Variants in CFI observed in about 807,000 individuals in gnomAD.
The protein encoded by CFI is C3B/C4B inactivator.
Under a neutral mutation model 78.8 loss-of-function variants are expected in CFI, and 66 were observed. The ratio of observed to expected loss-of-function variants is 0.84; its 90% CI spans 0.69 to 1.03. CFI has a LOEUF of 1.03. CFI is among the 50% of genes least tolerant of loss of function. CFI has a pLI of 0.00. For synonymous variants in CFI, 250 were observed against 232.6 expected, an observed-to-expected ratio of 1.07 and a Z score of -0.68; for missense variants, 706 against 704.5, an observed-to-expected ratio of 1.00 and a Z score of -0.02.
At chr4:109,756,901 G>GAAAGAAAGAAAGAAAGAAAGAAA (rs1726272856) in intron 7 of CFI, among the ~76,000 whole-genome samples, 1 of 36,456 alleles carries the variant, frequency 2.7e-5, no homozygotes, top group African/African-American at 9.6e-5. Flanking sequence ...AAGAAAGAAA[G>GAAAGAAAGAAAGAAAGAAAGAAA]AAAGAAAGAA....
At chr4:109,756,231 T>A (rs751191278) in intron 7 of CFI, among the ~76,000 whole-genome samples, 3 of 151,712 alleles carry the variant, frequency 2.0e-5, no homozygotes, top group Non-Finnish European at 4.4e-5. Context: ...TGACCCCTGA[T>A]GATCATGTAT....
At position 109,801,977 on chromosome 4, in the gene CFI, A is replaced by T; in HGVS notation, c.-6T>A. On this transcript the variant is annotated 5_prime_UTR_variant, in exon 1 of 13. Transcript: ENST00000394634. ...AAAACATGAAGAAGCTTCATGTTGG[A>T]GGTGTTCGGGGTCTTTGTCTCTGCT... 1 of 1,611,182 alleles carries T rather than the reference A, an allele frequency of 6.2e-7. No homozygotes were observed. Among genetic ancestry groups the T allele is most frequent in the South Asian group, 1.1e-5 (1 of 90,946 alleles).
At chr4:109,757,113 C>T (rs1332487491) in intron 7 of CFI, among the ~76,000 whole-genome samples, 1 of 151,864 alleles carries the variant, frequency 6.6e-6, no homozygotes, top group Non-Finnish European at 1.5e-5. Context: ...ACTGCAAGCT[C>T]CGCCTCCCGG....
At chr4:109,772,722 C>T (rs905430847) in intron 1 of CFI, among the ~76,000 whole-genome samples, 42 of 152,082 alleles carry the variant, frequency 2.8e-4, no homozygotes, top group African/African-American at 9.6e-4. Flanking sequence ...AGGACAGACA[C>T]ATGCTACCAT....
intron 1 of CFI, among the ~76,000 whole-genome samples, chr4:109,785,574 G>A (rs1284890591): frequency 6.6e-6 from 1 of 151,748 alleles, no homozygotes; most frequent in Non-Finnish European, 1.5e-5. Flanking sequence ...TTATTAATCA[G>A]CCTGGTGATC....
intron 6 of CFI, among the ~76,000 whole-genome samples, chr4:109,758,353 C>A (rs751242781): frequency 6.6e-6 from 1 of 151,790 alleles, no homozygotes; most frequent in Admixed American, 6.6e-5. Context: ...AATAAATATT[C>A]ATCAAGTAAA....
intron 1 of CFI, among the ~76,000 whole-genome samples, chr4:109,781,404 C>A (rs1286675331): frequency 6.6e-6 from 1 of 152,034 alleles, no homozygotes; most frequent in Non-Finnish European, 1.5e-5. Context: ...ATAAACTAGA[C>A]TAGAAGAGAT....
At chr4:109,737,713 C>T (rs188222738), downstream of CFI, among the ~76,000 whole-genome samples, 123 of 152,348 alleles carry the variant, frequency 8.1e-4, no homozygotes, top group Admixed American at 2.0e-3. Flanking sequence ...GCAGTGTGGT[C>T]TGTGAGCGTT....
At chr4:109,800,049 T>G (rs1334142633) in intron 1 of CFI, among the ~76,000 whole-genome samples, 1 of 147,300 alleles carries the variant, frequency 6.8e-6, no homozygotes, top group Non-Finnish European at 1.5e-5. Flanking sequence ...TAGAAATGGA[T>G]TTTTGGTTTT....
At chr4:109,731,650 C>T in the CFI span, among the ~76,000 whole-genome samples, 1 of 152,268 alleles carries the variant, frequency 6.6e-6, no homozygotes, top group Non-Finnish European at 1.5e-5. Context: ...CGGTGTAGCT[C>T]CTGGCTGGAG....
intron 1 of CFI, among the ~76,000 whole-genome samples, chr4:109,800,529 TC>T (rs1270893552): frequency 6.6e-6 from 1 of 151,762 alleles, no homozygotes; most frequent in Non-Finnish European, 1.5e-5. Context: ...CTCTGGTTAT[TC>T]CCCCCATTAG....
downstream of CFI, among the ~76,000 whole-genome samples, chr4:109,739,576 T>C (rs1414699470): frequency 1.3e-5 from 2 of 152,138 alleles, no homozygotes; most frequent in Non-Finnish European, 2.9e-5. Flanking sequence ...AAAGTGCAAC[T>C]GTTGAGTTTG....
intron 7 of CFI, 59 bp downstream of exon 7, chr4:109,757,704 A>G (rs1726496526): frequency 8.9e-7 from 1 of 1,122,552 alleles, no homozygotes; most frequent in Non-Finnish European, 1.3e-6. Context: ...ATATAAGACC[A>G]AAGAACCTGA....
chr4:109,747,062 C>A (rs1293347175), intron 10 of CFI, among the ~76,000 whole-genome samples: 1 of 152,180 alleles, frequency 6.6e-6, no homozygotes, highest in Admixed American at 6.5e-5. Flanking sequence ...CTGTGCAGCC[C>A]TGGTGCCTAC....
chr4:109,737,392 C>T (rs143186740), downstream of CFI, among the ~76,000 whole-genome samples: 25 of 152,288 alleles, frequency 1.6e-4, no homozygotes, highest in African/African-American at 5.5e-4. Flanking sequence ...CTAAGCTCAC[C>T]TCTGCAGAAG....
chr4:109,753,995 A>G (rs1360442816), intron 7 of CFI, among the ~76,000 whole-genome samples: 8 of 147,776 alleles, frequency 5.4e-5, no homozygotes, highest in African/African-American at 2.0e-4. Flanking sequence ...ATATATATAT[A>G]TATTTTGAGA....
At chr4:109,791,532 T>C (rs961301173) in intron 1 of CFI, among the ~76,000 whole-genome samples, 3 of 152,190 alleles carry the variant, frequency 2.0e-5, no homozygotes, top group African/African-American at 7.2e-5. Flanking sequence ...ATGTCCAGAA[T>C]AGTATTGCCT....
intron 1 of CFI, among the ~76,000 whole-genome samples, chr4:109,792,323 A>C (rs1258024721): frequency 6.6e-6 from 1 of 152,130 alleles, no homozygotes; most frequent in African/African-American, 2.4e-5. Flanking sequence ...TCACGCCTAT[A>C]ATCTCAGCAC....
rs1561297977 is a variant in CFI, at chr4:109,756,953, GAAAGAAAGAAAGAAAGA to G, written c.904+793_904+809del. Among the ~76,000 whole-genome samples the G allele has an allele frequency of 3.5e-4, 49 of 139,026 alleles. 2 individuals carry two copies. In the South Asian group the frequency reaches 0.011, roughly 31 times the overall value. 91.2% of individuals were successfully genotyped at this position (139,026 alleles called of 152,430 possible). On this transcript the variant is annotated intron_variant, in intron 7 of 12. Coordinates refer to ENST00000394634, the MANE Select transcript of CFI (RefSeq NM_000204.5). Reference sequence around the variant, plus strand: ...AGAAAGAAAGAAAGAAAGAAAGAAAGAAAGAAAGAAAGAAAGAAAGAAAGAAATTCTGAGGAGGATCA... The same window carrying G: ...AGAAAGAAAGAAAGAAAGAAAGAAAGAAGAAAGAAATTCTGAGGAGGATCA...
Sources: allele counts gnomAD v4.1 joint callset (sites outside exome capture counted in the v4.1 genomes callset), GRCh38; gene constraint gnomAD v4.1.1; transcripts MANE v1.5; gene names NCBI Gene and HGNC (gene_info 2026-07-23, HGNC 2026-07-21).